RAI2: variants seen among roughly 807,000 people sequenced by gnomAD.
RAI2 encodes retinoic acid induced 2.
A neutral mutation model predicts 15.3 loss-of-function variants in RAI2; 5 were observed. That is an observed-to-expected ratio of 0.33 (90% CI 0.17 to 0.69). The LOEUF (loss-of-function observed/expected upper bound fraction) is 0.69. Ranked by LOEUF, RAI2 falls within the 30% of genes least tolerant of loss-of-function variation. The pLI is 0.69. For missense variants in RAI2, 424 were observed against 424.7 expected (o/e 1.00, Z 0.01); for synonymous variants, 191 against 184.0 (o/e 1.04, Z -0.31).
chrX:17,810,077 C>T (rs1173730781), intron 1 of RAI2, among the ~76,000 whole-genome samples: 1 of 111,552 alleles, frequency 9.0e-6, no homozygotes, highest in African/African-American at 3.3e-5. Flanking sequence ...CGGCCCCACC[C>T]CTCTTGTTTT....
intron 1 of RAI2, among the ~76,000 whole-genome samples, chrX:17,845,987 C>A (rs893325688): frequency 1.8e-5 from 2 of 111,935 alleles, no homozygotes; most frequent in African/African-American, 3.2e-5. Context: ...GGTGGGATAA[C>A]AAGAATGGCA....
In RAI2 at chrX:17,861,298, T is replaced by C. The variant is rs1234443616; in HGVS notation, c.-225A>G. The C allele has an allele frequency of 4.0e-5, 4 of 101,044 alleles. No homozygotes were observed. The highest frequency in any genetic ancestry group is 8.0e-5 in the Non-Finnish European group (4 of 49,952). The allele number at this position is 101,044 out of a possible 1,213,427, so 8.3% of individuals were successfully genotyped here. On this transcript the variant is annotated 5_prime_UTR_variant, in exon 1 of 2. Coordinates refer to ENST00000451717, the MANE Select transcript of RAI2 (RefSeq NM_021785.6). ...GTGCGCCTGTGTCCTGGCGAGTGTG[T>C]GTCTGCGTGCGGCGCCCGGCCTTTA...
intron 1 of RAI2, among the ~76,000 whole-genome samples, chrX:17,818,790 C>T (rs747327707): frequency 1.4e-4 from 16 of 112,181 alleles, no homozygotes; most frequent in African/African-American, 4.2e-4. Context: ...GCCAAATAGA[C>T]GGTAACAAAA....
chrX:17,811,005 G>C (rs764927152), intron 1 of RAI2, among the ~76,000 whole-genome samples: 1 of 112,293 alleles, frequency 8.9e-6, no homozygotes, highest in East Asian at 2.8e-4. Flanking sequence ...TTTTAACAGG[G>C]CTCCTTTAAG....
chrX:17,857,490 C>A (rs184037259), intron 1 of RAI2, among the ~76,000 whole-genome samples: 1 of 111,918 alleles, frequency 8.9e-6, no homozygotes, highest in Non-Finnish European at 1.9e-5. Flanking sequence ...TTTGGTCCCT[C>A]GTGGACTTTG....
At chrX:17,849,484 A>G (rs2147277340) in intron 1 of RAI2, among the ~76,000 whole-genome samples, 1 of 112,665 alleles carries the variant, frequency 8.9e-6, no homozygotes, top group East Asian at 2.8e-4. Context: ...AGAGTTCATA[A>G]TACGTATACC....
At chrX:17,826,690 C>T (rs1286163479) in intron 1 of RAI2, among the ~76,000 whole-genome samples, 1 of 111,768 alleles carries the variant, frequency 8.9e-6, no homozygotes, top group African/African-American at 3.3e-5. Flanking sequence ...TTGTAATCCC[C>T]ACATGTCAAG....
intron 1 of RAI2, among the ~76,000 whole-genome samples, chrX:17,812,908 G>A (rs2067065435): frequency 8.9e-6 from 1 of 111,791 alleles, no homozygotes; most frequent in East Asian, 2.8e-4. Context: ...AGAAACTGAG[G>A]AAAGCTGTGA....
intron 1 of RAI2, among the ~76,000 whole-genome samples, chrX:17,816,914 C>T (rs769801303): frequency 9.0e-6 from 1 of 111,305 alleles, no homozygotes; most frequent in Non-Finnish European, 1.9e-5. Flanking sequence ...CTTCCTTCCA[C>T]ATGTGATGCT....
chrX:17,847,085 TG>T (rs1569356496), intron 1 of RAI2, among the ~76,000 whole-genome samples: 1 of 111,933 alleles, frequency 8.9e-6, no homozygotes. Context: ...CATGTGGAAC[TG>T]TGAGTCCATT....
chrX:17,841,679 C>T (rs1241862012), intron 1 of RAI2, among the ~76,000 whole-genome samples: 1 of 112,145 alleles, frequency 8.9e-6, no homozygotes, highest in Non-Finnish European at 1.9e-5. Context: ...CTGTGGGTCC[C>T]GGGTTGAGGA....
chrX:17,851,027 C>A (rs1162532504), intron 1 of RAI2, among the ~76,000 whole-genome samples: 1 of 112,745 alleles, frequency 8.9e-6, no homozygotes, highest in African/African-American at 3.2e-5. Flanking sequence ...GGACCACTGG[C>A]TTATGGGACA....
In RAI2 at chrX:17,800,467, A is replaced by C. The variant is rs2066887746; in HGVS notation, c.1544T>G (p.Met515Arg). 4.1e-6 allele frequency: 5 copies of C among 1,205,931 alleles called. No homozygotes were observed. The highest frequency in any genetic ancestry group is 1.8e-5 in the African/African-American group (1 of 56,870). Residue 515 changes from methionine (M) to arginine (R), a missense_variant, in exon 2 of 2, where the codon ATG (methionine) becomes AGG (arginine). By Grantham distance (91) the Met-to-Arg change is moderately conservative. Transcript: ENST00000451717. ...CAGCCGTTGTTTTTTGATTGGGAGCATGTGTATTTCCTGGGAGTTCACTTT... is the reference window on the plus strand; with the variant it reads ...CAGCCGTTGTTTTTTGATTGGGAGCCTGTGTATTTCCTGGGAGTTCACTTT... ...LKKVNSQEIH[M>R]LPIKKQRLAT...
At chrX:17,822,726 T>C (rs911945830) in intron 1 of RAI2, among the ~76,000 whole-genome samples, 2 of 112,538 alleles carry the variant, frequency 1.8e-5, no homozygotes, top group East Asian at 2.8e-4. Context: ...ATGAGGACAA[T>C]TCTAAAAGTA....
intron 1 of RAI2, among the ~76,000 whole-genome samples, chrX:17,829,864 T>C (rs1163269458): frequency 3.6e-5 from 4 of 112,607 alleles, no homozygotes; most frequent in Admixed American, 2.8e-4. Context: ...ATTTCCAAAA[T>C]TGTTTCAGAA....
intron 1 of RAI2, among the ~76,000 whole-genome samples, chrX:17,813,104 A>T (rs2067067099): frequency 9.0e-6 from 1 of 111,720 alleles, no homozygotes; most frequent in Admixed American, 9.5e-5. Context: ...TACTTAGGGA[A>T]GGTGCTCCAA....
intron 1 of RAI2, among the ~76,000 whole-genome samples, chrX:17,816,595 G>C (rs939757760): frequency 1.8e-5 from 2 of 112,327 alleles, no homozygotes; most frequent in Non-Finnish European, 3.8e-5. Flanking sequence ...TACCACTGCA[G>C]CTAGCGAATA....
chrX:17,851,098 C>T (rs560680945), intron 1 of RAI2, among the ~76,000 whole-genome samples: 2 of 111,989 alleles, frequency 1.8e-5, no homozygotes, highest in South Asian at 7.6e-4. Flanking sequence ...ACCTCAAATC[C>T]AGCTGCTCAG....
At chrX:17,824,095 T>TGAAC (rs2067200979) in intron 1 of RAI2, among the ~76,000 whole-genome samples, 1 of 112,673 alleles carries the variant, frequency 8.9e-6, no homozygotes, top group Non-Finnish European at 1.9e-5. Flanking sequence ...AACGAATGAA[T>TGAAC]GAACGAACGA....
Sources: allele counts gnomAD v4.1 joint callset (sites outside exome capture counted in the v4.1 genomes callset), GRCh38; gene constraint gnomAD v4.1.1; transcripts MANE v1.5; gene names NCBI Gene and HGNC (gene_info 2026-07-23, HGNC 2026-07-21).